The following MYZAP variants were observed in gnomAD, a reference collection of about 807,000 sequenced individuals.
MYZAP encodes GRINL1A complex locus upstream.
In MYZAP, 66 loss-of-function variants were observed where a neutral mutation model predicts 69.4. The ratio of observed to expected loss-of-function variants is 0.95; its 90% CI spans 0.78 to 1.17. The LOEUF (loss-of-function observed/expected upper bound fraction) is 1.17. Ranked by LOEUF, MYZAP falls within the 50% of genes most tolerant of loss-of-function variation. MYZAP has a pLI of 0.00. For missense variants in MYZAP, 611 were observed against 556.2 expected, an observed-to-expected ratio of 1.10 and a Z score of -0.99; for synonymous variants, 256 against 205.9, an observed-to-expected ratio of 1.24 and a Z score of -2.09.
intron 2 of MYZAP, among the ~76,000 whole-genome samples, chr15:57,611,664 C>A (rs950226302): frequency 2.0e-5 from 3 of 152,070 alleles, no homozygotes; most frequent in African/African-American, 4.8e-5. Flanking sequence ...TGAAAATGAT[C>A]TTTTCTCCTG....
chr15:57,619,941 C>T (rs2035708435), intron 3 of MYZAP, among the ~76,000 whole-genome samples: 2 of 152,126 alleles, frequency 1.3e-5, no homozygotes, highest in South Asian at 4.1e-4. Flanking sequence ...CCACTGTGAT[C>T]CGCAACTTAA....
chr15:57,628,952 A>G (rs1257575384), intron 5 of MYZAP, among the ~76,000 whole-genome samples: 2 of 151,988 alleles, frequency 1.3e-5, no homozygotes, highest in Non-Finnish European at 2.9e-5. Flanking sequence ...GCGTGGTGGC[A>G]GGCGCCTGTA....
At chr15:57,623,596 G>T (rs2035947946) in intron 4 of MYZAP, among the ~76,000 whole-genome samples, 1 of 152,032 alleles carries the variant, frequency 6.6e-6, no homozygotes, top group South Asian at 2.1e-4. Flanking sequence ...AGCCGGGCAT[G>T]GTGGTGCAGG....
At chr15:57,613,482 C>T (rs972246607) in intron 2 of MYZAP, among the ~76,000 whole-genome samples, 17 of 151,450 alleles carry the variant, frequency 1.1e-4, no homozygotes, top group African/African-American at 3.9e-4. Context: ...GCAATCTTCC[C>T]ACCTTAGCCT....
At chr15:57,627,551 G>C (rs773831952) in intron 5 of MYZAP, among the ~76,000 whole-genome samples, 9 of 152,136 alleles carry the variant, frequency 5.9e-5, no homozygotes, top group Admixed American at 2.0e-4. Context: ...GACCGAGTCT[G>C]AAGAGAGCTG....
At chr15:57,593,214 A>ACACACACACACACCCCCCCCC (rs1172761785) in intron 1 of MYZAP, among the ~76,000 whole-genome samples, 1 of 141,342 alleles carries the variant, frequency 7.1e-6, no homozygotes, top group African/African-American at 2.8e-5. Context: ...ACACACACAC[A>ACACACACACACACCCCCCCCC]CCCCAGAATC....
chr15:57,677,450 T>G (rs756885907), intron 12 of MYZAP, among the ~76,000 whole-genome samples: 4 of 152,192 alleles, frequency 2.6e-5, no homozygotes, highest in Non-Finnish European at 4.4e-5. Flanking sequence ...CCAGGCCTTC[T>G]TGAGTCTTGG....
chr15:57,632,054 G>A (rs1368638806), intron 6 of MYZAP, among the ~76,000 whole-genome samples: 2 of 152,214 alleles, frequency 1.3e-5, no homozygotes, highest in African/African-American at 4.8e-5. Context: ...ATTTAGGAAA[G>A]CACAAGGGTA....
intron 11 of MYZAP, among the ~76,000 whole-genome samples, chr15:57,671,737 T>C (rs1252083709): frequency 6.6e-6 from 1 of 152,226 alleles, no homozygotes; most frequent in Non-Finnish European, 1.5e-5. Context: ...TTTAGTTCTT[T>C]TTTGTATTTT....
chr15:57,633,126 G>T (rs1228714686), intron 7 of MYZAP, among the ~76,000 whole-genome samples: 3 of 152,174 alleles, frequency 2.0e-5, no homozygotes, highest in Non-Finnish European at 4.4e-5. Context: ...TCCTGAAGGC[G>T]GGGACTCCAT....
chr15:57,671,143 G>C (rs1207454478), intron 11 of MYZAP, among the ~76,000 whole-genome samples: 1 of 152,008 alleles, frequency 6.6e-6, no homozygotes, highest in Non-Finnish European at 1.5e-5. Flanking sequence ...CATTCTCTTA[G>C]TTTTTCTTAT....
At chr15:57,679,419 C>CCAT (rs1567244371) in intron 12 of MYZAP, among the ~76,000 whole-genome samples, 1 of 149,684 alleles carries the variant, frequency 6.7e-6, no homozygotes, top group Non-Finnish European at 1.5e-5. Flanking sequence ...AATATGAGCT[C>CCAT]CATGAGGGCA....
At chr15:57,656,256 G>T (rs2038005920) in intron 10 of MYZAP, among the ~76,000 whole-genome samples, 1 of 152,144 alleles carries the variant, frequency 6.6e-6, no homozygotes, top group South Asian at 2.1e-4. Flanking sequence ...TGAAGTCTAT[G>T]GGATGGATTG....
chr15:57,631,647 C>A (rs937742487), intron 6 of MYZAP, among the ~76,000 whole-genome samples: 9 of 152,160 alleles, frequency 5.9e-5, no homozygotes, highest in African/African-American at 2.4e-5. Flanking sequence ...TTTGGAACTT[C>A]TTGGTGCCAA....
chr15:57,639,840 A>C (rs2037041869), intron 10 of MYZAP, among the ~76,000 whole-genome samples: 1 of 152,174 alleles, frequency 6.6e-6, no homozygotes, highest in Non-Finnish European at 1.5e-5. Flanking sequence ...GTGGGTACCC[A>C]CAGCTCAGGG....
intron 4 of MYZAP, among the ~76,000 whole-genome samples, chr15:57,621,971 A>G (rs4774977): frequency 0.31 from 47,871 of 152,028 alleles, 7,731 homozygotes; most frequent in East Asian, 0.37. Flanking sequence ...ATTATTTAAC[A>G]TTGTTCTTCA....
chr15:57,628,190 T>C (rs2036273440), intron 5 of MYZAP, among the ~76,000 whole-genome samples: 1 of 152,228 alleles, frequency 6.6e-6, no homozygotes, highest in Non-Finnish European at 1.5e-5. Flanking sequence ...GCACAGATTC[T>C]GTGGAGGCCA....
intron 1 of MYZAP, among the ~76,000 whole-genome samples, chr15:57,593,652 T>C (rs928607980): frequency 6.6e-6 from 1 of 152,214 alleles, no homozygotes; most frequent in Admixed American, 6.5e-5. Context: ...TCGGACACAT[T>C]GTGACACTCT....
chr15:57,655,085 CAG>C (rs1202208124), intron 10 of MYZAP, among the ~76,000 whole-genome samples: 4 of 152,174 alleles, frequency 2.6e-5, no homozygotes, highest in East Asian at 1.9e-4. Flanking sequence ...TGTGTCCTAA[CAG>C]GGGTAGGTTC....
Sources: gnomAD v4.1 joint callset for allele counts (sites outside exome capture counted in the v4.1 genomes callset) on GRCh38, gnomAD v4.1.1 for gene constraint, MANE v1.5 for transcripts, NCBI Gene and HGNC (gene_info 2026-07-23, HGNC 2026-07-21) for gene names.